The following PITRM1 variants were observed in gnomAD, a reference collection of about 807,000 sequenced individuals.
PITRM1 encodes the protein pitrilysin metallopeptidase 1.
Under a neutral mutation model 129.9 loss-of-function variants are expected in PITRM1, and 100 were observed. The observed-to-expected ratio is 0.77, with a 90% confidence interval of 0.65 to 0.91. The LOEUF is 0.91. PITRM1 is among the 40% of genes least tolerant of loss of function. PITRM1 has a pLI of 0.00. For synonymous variants in PITRM1, 591 were observed against 508.8 expected (o/e 1.16, Z -2.17); for missense variants, 1,471 against 1,318.3 (o/e 1.12, Z -1.79).
intron 14 of PITRM1, 50 bp from the exon 15 acceptor site, chr10:3,151,413 T>C (rs753769046): frequency 3.1e-5 from 32 of 1,031,540 alleles, no homozygotes; most frequent in Non-Finnish European, 3.0e-5. Flanking sequence ...ATTAAAAGGT[T>C]TGATGCAACT....
intron 1 of PITRM1, 62 bp downstream of exon 1, chr10:3,172,655 T>A (rs1470737499): frequency 6.9e-7 from 1 of 1,442,756 alleles, no homozygotes; most frequent in African/African-American, 1.5e-5. Context: ...GCCTCCGGCC[T>A]GCCCTGGACC....
At position 3,165,481 on chromosome 10, in the gene PITRM1, G is replaced by C; in HGVS notation, c.465C>G (p.Asp155Glu). The C allele has an allele frequency of 6.2e-7, 1 of 1,613,454 alleles. No homozygotes were observed. Among genetic ancestry groups the C allele is most frequent in the Non-Finnish European group, 8.5e-7 (1 of 1,179,544 alleles). ...AATACACCGAGAGGAGATTCTGAAA[G>C]TCCTTGGGATTTTGTGTGGAAAATG... ...LYPFSTQNPK[D>E]FQNLLSVYLD... Residue 155 changes from aspartate (D) to glutamate (E), a missense_variant, in exon 5 of 27, where the codon GAC becomes GAG. Asp to Glu is a conservative substitution (Grantham distance 45). Transcript: ENST00000224949.
chr10:3,139,195 A>T, intron 24 of PITRM1, 146 bp from the exon 25 acceptor site: 1 of 706,860 alleles, frequency 1.4e-6, no homozygotes, highest in Non-Finnish European at 2.4e-6. Flanking sequence ...CCACTGACAA[A>T]TCGCTCAATT....
Position 3,165,295 on chromosome 10 carries a change from G to A in PITRM1, c.573C>T (p.Asp191=). Residue 191 remains aspartate (D), a synonymous_variant, in exon 6 of 27, where the codon GAC becomes GAT. Coordinates refer to ENST00000224949, the MANE Select transcript of PITRM1 (RefSeq NM_014889.4). The part of the protein sequence containing the change: ...GWRLEHENPS[D]PQTPLVFKGV... ...CTTTAAAGACCAAGGGCGTCTGGGGGTCGCTCGGATTCTCATGTTCCAGCC... is the reference window on the plus strand; with the variant it reads ...CTTTAAAGACCAAGGGCGTCTGGGGATCGCTCGGATTCTCATGTTCCAGCC... 6.3e-7 allele frequency: 1 copy of A among 1,588,588 alleles called. No homozygotes were observed. The highest frequency in any genetic ancestry group is 2.3e-5 in the East Asian group (1 of 43,824).
intron 13 of PITRM1, 116 bp from the exon 14 acceptor site, chr10:3,155,845 T>C (rs537398561): frequency 3.5e-6 from 4 of 1,152,594 alleles, no homozygotes; most frequent in East Asian, 2.5e-5. Context: ...TTTCCCACTT[T>C]AAAAATAGTA....
intron 4 of PITRM1, 117 bp downstream of exon 4, chr10:3,166,112 A>C (rs1842837784): frequency 1.2e-6 from 1 of 841,790 alleles, no homozygotes; most frequent in Non-Finnish European, 1.7e-6. Context: ...GAGAGGTAAA[A>C]ATTTTTCTAG....
chr10:3,140,567 A>G, intron 24 of PITRM1, 120 bp downstream of exon 24: 1 of 904,106 alleles, frequency 1.1e-6, no homozygotes. Context: ...AGTGAAAAGA[A>G]GCACACAGAA....
chr10:3,140,083 TATACCTATG>T (rs1840028901), intron 24 of PITRM1, among the ~76,000 whole-genome samples: 1 of 152,236 alleles, frequency 6.6e-6, no homozygotes, highest in Non-Finnish European at 1.5e-5. Context: ...GTTTTTTTCC[TATACCTATG>T]ATAAAGTTTA....
chr10:3,147,076 C>T, intron 20 of PITRM1, 74 bp downstream of exon 20: 2 of 787,832 alleles, frequency 2.5e-6, no homozygotes, highest in Non-Finnish European at 4.1e-6. Flanking sequence ...GAAGTTTCTA[C>T]AAGTAAGAAA....
At chr10:3,147,946 A>G (rs775590326) in intron 18 of PITRM1, 41 bp downstream of exon 18, 4 of 1,448,112 alleles carry the variant, frequency 2.8e-6, no homozygotes, top group South Asian at 1.1e-5. Context: ...AAAGATCTCT[A>G]GTACACCCCA....
At chr10:3,170,018 C>A in intron 2 of PITRM1, 86 bp downstream of exon 2, 1 of 960,406 alleles carries the variant, frequency 1.0e-6, no homozygotes, top group Non-Finnish European at 1.6e-6. Context: ...ACGCTAGTCT[C>A]CGCCCTGAAG....
chr10:3,165,658 C>T (rs1842799021), intron 4 of PITRM1, 131 bp from the exon 5 acceptor site: 1 of 642,476 alleles, frequency 1.6e-6, no homozygotes, highest in Non-Finnish European at 2.7e-6. Context: ...GCAGTGGCCC[C>T]ATGCTCTGGT....
rs963739365 is a variant in PITRM1 at position 3,137,998 on chromosome 10, T to C, written c.*33A>G. 2 of 1,277,736 alleles carry C rather than the reference T, an allele frequency of 1.6e-6. No homozygotes were observed. Among genetic ancestry groups the C allele is most frequent in the Non-Finnish European group, 2.2e-6 (2 of 888,946 alleles). The allele number at this position is 1,277,736 out of a possible 1,614,324, so 79.1% of individuals were successfully genotyped here. Reference sequence around the variant, plus strand: ...ATATTCAGCTCGGAGGTGTATTGTCTCGGGCTCCTGTGCAGTCGAGCGCCA... The same window carrying C: ...ATATTCAGCTCGGAGGTGTATTGTCCCGGGCTCCTGTGCAGTCGAGCGCCA... On this transcript the variant is annotated 3_prime_UTR_variant, in exon 27 of 27. Coordinates refer to ENST00000224949, the MANE Select transcript of PITRM1 (RefSeq NM_014889.4).
intron 1 of PITRM1, 30 bp from the exon 2 acceptor site, chr10:3,170,236 G>C: frequency 3.3e-6 from 5 of 1,503,006 alleles, no homozygotes; most frequent in East Asian, 2.3e-5. Context: ...AGTTAGATGA[G>C]TTGCAGGAAA....
chr10:3,157,894 G>A (rs1044991627), intron 11 of PITRM1, 146 bp downstream of exon 11: 1 of 658,722 alleles, frequency 1.5e-6, no homozygotes, highest in Non-Finnish European at 2.7e-6. Context: ...AGGTAGCAGA[G>A]ATAATATTTA....
At chr10:3,172,584 G>T in intron 1 of PITRM1, 133 bp downstream of exon 1, 1 of 798,900 alleles carries the variant, frequency 1.3e-6, no homozygotes, top group Non-Finnish European at 1.9e-6. Flanking sequence ...AGGGCTCGGG[G>T]TGCGGGACGC....
chr10:3,143,291 C>G, intron 23 of PITRM1, 98 bp downstream of exon 23: 1 of 750,964 alleles, frequency 1.3e-6, no homozygotes. Flanking sequence ...TCAGCACAGA[C>G]TTTTCCTGTG....
Position 3,138,257 on chromosome 10 carries a change from TGTC to T in PITRM1, c.2995_2997del (p.Asp999del), listed in dbSNP as rs2131792179. ...CACCTATCGCTCACGGCCAGGAGCT[TGTC>T]GTGGCTGACAGCAAAGAGCTGCTCT... On this transcript the variant is annotated inframe_deletion, in exon 26 of 27. Transcript: ENST00000224949. 2.5e-6 allele frequency: 4 copies of T among 1,613,338 alleles called. No homozygotes were observed. Among genetic ancestry groups the T allele is most frequent in the Non-Finnish European group, 3.4e-6 (4 of 1,179,342 alleles).
At chr10:3,146,978 T>G (rs143143728) in intron 20 of PITRM1, 172 bp downstream of exon 20, 11 of 458,022 alleles carry the variant, frequency 2.4e-5, no homozygotes, top group African/African-American at 2.2e-4. Flanking sequence ...CTCCTACAAC[T>G]TTTAATAGGC....
Sources: allele counts gnomAD v4.1 joint callset (sites outside exome capture counted in the v4.1 genomes callset), GRCh38; gene constraint gnomAD v4.1.1; transcripts MANE v1.5; gene names NCBI Gene and HGNC (gene_info 2026-07-23, HGNC 2026-07-21).